LINGO2: variants seen among roughly 807,000 people sequenced by gnomAD.
LINGO2 encodes leucine-rich repeat and immunoglobulin-like domain-containing nogo receptor-interacting protein 2.
Under a neutral mutation model 30.6 loss-of-function variants are expected in LINGO2, and 14 were observed. The observed-to-expected ratio is 0.46, with a 90% CI of 0.30 to 0.72. The LOEUF (loss-of-function observed/expected upper bound fraction) is 0.72, where lower values mean the gene tolerates loss of function less well. Ranked by LOEUF, LINGO2 falls within the 30% of genes least tolerant of loss-of-function variation. The pLI, the probability that LINGO2 is intolerant of heterozygous loss-of-function variation, is 0.07. For missense variants in LINGO2, 729 were observed against 751.7 expected, an observed-to-expected ratio of 0.97 and a Z score of 0.35; for synonymous variants, 317 against 288.5, an observed-to-expected ratio of 1.10 and a Z score of -1.00.
chr9:28,310,017 G>A (rs528786673), intron 3 of LINGO2, among the ~76,000 whole-genome samples: 3 of 152,104 alleles, frequency 2.0e-5, no homozygotes, highest in Non-Finnish European at 4.4e-5. Flanking sequence ...GTGTTGGCAA[G>A]GGTGTGGAGG....
the LINGO2 span, among the ~76,000 whole-genome samples, chr9:29,154,639 ATAATG>A: frequency 1.3e-5 from 2 of 152,158 alleles, no homozygotes. Context: ...AATTTACTAT[ATAATG>A]TAATCAACTT....
intron 5 of LINGO2, among the ~76,000 whole-genome samples, chr9:28,006,352 G>T (rs1024334966): frequency 1.3e-5 from 2 of 152,006 alleles, no homozygotes; most frequent in Admixed American, 6.6e-5. Context: ...CCTTACCAGA[G>T]ATCAAAATAG....
chr9:29,063,099 T>TTTTG, the LINGO2 span, among the ~76,000 whole-genome samples: 1 of 152,096 alleles, frequency 6.6e-6, no homozygotes, highest in Non-Finnish European at 1.5e-5. Flanking sequence ...TAGAAAGGTT[T>TTTTG]TTTGTTTGTT....
intron 4 of LINGO2, among the ~76,000 whole-genome samples, chr9:28,019,167 G>A (rs1458953687): frequency 2.0e-5 from 3 of 151,914 alleles, no homozygotes; most frequent in Admixed American, 2.0e-4. Context: ...TCTACCTATT[G>A]GGTACTATGC....
chr9:28,068,564 C>T (rs1030531584), intron 4 of LINGO2, among the ~76,000 whole-genome samples: 1 of 152,152 alleles, frequency 6.6e-6, no homozygotes, highest in African/African-American at 2.4e-5. Context: ...TTCATTTATT[C>T]ATTCAATAGT....
intron 4 of LINGO2, among the ~76,000 whole-genome samples, chr9:28,027,479 C>T (rs1048552125): frequency 2.0e-5 from 3 of 152,066 alleles, no homozygotes; most frequent in South Asian, 2.1e-4. Context: ...TATTCAGCAC[C>T]TTTTATTTGT....
the LINGO2 span, among the ~76,000 whole-genome samples, chr9:28,944,631 C>A: frequency 6.6e-6 from 1 of 152,126 alleles, no homozygotes; most frequent in African/African-American, 2.4e-5. Context: ...GTCTAGAACT[C>A]CTGACCTCAG....
At chr9:28,161,441 T>C (rs1219889165) in intron 4 of LINGO2, among the ~76,000 whole-genome samples, 2 of 152,152 alleles carry the variant, frequency 1.3e-5, no homozygotes, top group African/African-American at 4.8e-5. Context: ...AATTTTTTCA[T>C]TCAGTAATAA....
At chr9:28,210,804 A>ATT (rs71502442) in intron 4 of LINGO2, among the ~76,000 whole-genome samples, 23,755 of 151,104 alleles carry the variant, frequency 0.16, 1,996 homozygotes, top group Middle Eastern at 0.21. Context: ...TTATATTTTT[A>ATT]TTTTTTTCAT....
At chr9:28,203,286 C>G (rs1343248651) in intron 4 of LINGO2, among the ~76,000 whole-genome samples, 3 of 152,166 alleles carry the variant, frequency 2.0e-5, no homozygotes, top group African/African-American at 7.2e-5. Flanking sequence ...CTAATGTTCA[C>G]TCTGCTAAGC....
At chr9:28,239,047 T>C (rs1334178879) in intron 4 of LINGO2, among the ~76,000 whole-genome samples, 1 of 151,834 alleles carries the variant, frequency 6.6e-6, no homozygotes, top group Non-Finnish European at 1.5e-5. Flanking sequence ...CTAGAATAAA[T>C]AAAAAATTCA....
intron 2 of LINGO2, among the ~76,000 whole-genome samples, chr9:28,434,446 T>C (rs997906634): frequency 1.3e-5 from 2 of 151,774 alleles, no homozygotes; most frequent in African/African-American, 2.4e-5. Context: ...TGAACCCTGA[T>C]TGTGTCTGGC....
the LINGO2 span, among the ~76,000 whole-genome samples, chr9:28,790,325 CTTTTTTT>C: frequency 0.056 from 5,965 of 106,272 alleles, 177 homozygotes; most frequent in Admixed American, 0.11. Context: ...TCTTTTCTTT[CTTTTTTT>C]TTTTTTTTTT....
At chr9:28,782,815 G>A in the LINGO2 span, among the ~76,000 whole-genome samples, 1 of 152,190 alleles carries the variant, frequency 6.6e-6, no homozygotes, top group East Asian at 1.9e-4. Context: ...AACATTCTGA[G>A]AAATGGAAGT....
intron 4 of LINGO2, among the ~76,000 whole-genome samples, chr9:28,277,685 T>C (rs1462639238): frequency 1.3e-5 from 2 of 151,900 alleles, no homozygotes; most frequent in Non-Finnish European, 2.9e-5. Context: ...GGCAGGCACC[T>C]GTAATCCCAG....
intron 1 of LINGO2, among the ~76,000 whole-genome samples, chr9:28,630,106 A>G (rs1826865693): frequency 6.6e-6 from 1 of 152,114 alleles, no homozygotes; most frequent in Non-Finnish European, 1.5e-5. Flanking sequence ...TGAACTCTTC[A>G]TGCTAGATGA....
intron 4 of LINGO2, among the ~76,000 whole-genome samples, chr9:28,123,754 C>G (rs1016421492): frequency 2.6e-5 from 4 of 151,836 alleles, no homozygotes; most frequent in Non-Finnish European, 5.9e-5. Flanking sequence ...AGCTCTGCCT[C>G]CTGGGTTCAC....
chr9:28,254,649 A>G (rs1822320351), intron 4 of LINGO2, among the ~76,000 whole-genome samples: 1 of 152,102 alleles, frequency 6.6e-6, no homozygotes, highest in African/African-American at 2.4e-5. Flanking sequence ...TAAAGGTGCC[A>G]TAACATCTGT....
At chr9:28,919,348 G>A in the LINGO2 span, among the ~76,000 whole-genome samples, 1 of 152,116 alleles carries the variant, frequency 6.6e-6, no homozygotes, top group Admixed American at 6.6e-5. Flanking sequence ...TTCTGCCTCA[G>A]TAGTTGGCAA....
Sources: allele counts gnomAD v4.1 joint callset (sites outside exome capture counted in the v4.1 genomes callset), GRCh38; gene constraint gnomAD v4.1.1; transcripts MANE v1.5; gene names NCBI Gene and HGNC (gene_info 2026-07-23, HGNC 2026-07-21).